Variants in ERICH3 observed in about 807,000 individuals in gnomAD.
ERICH3 encodes glutamate rich 3, also known as glutamate-rich protein 3.
Under a neutral mutation model 131.1 loss-of-function variants are expected in ERICH3, and 126 were observed. That is an observed-to-expected ratio of 0.96 (90% CI 0.83 to 1.11). The LOEUF (loss-of-function observed/expected upper bound fraction) is 1.11, where lower values mean the gene tolerates loss of function less well. Ranked by LOEUF, ERICH3 falls within the 50% of genes most tolerant of loss-of-function variation. The pLI, the probability that ERICH3 is intolerant of heterozygous loss-of-function variation, is 0.00. For synonymous variants in ERICH3, 695 were observed against 644.6 expected (o/e 1.08, Z -1.18); for missense variants, 2,050 against 1,810.7 (o/e 1.13, Z -2.40).
intron 1 of ERICH3, among the ~76,000 whole-genome samples, chr1:74,662,658 C>T (rs1046899722): frequency 6.6e-6 from 1 of 152,102 alleles, no homozygotes; most frequent in African/African-American, 2.4e-5. Flanking sequence ...AACTTAAAAA[C>T]AAAAGTTAAT....
rs1187808689 is a variant in ERICH3 at position 74,572,996 on chromosome 1, G to A, written c.2714C>T (p.Ala905Val). 1 of 1,614,080 alleles carries A rather than the reference G, an allele frequency of 6.2e-7. No individual in the cohort carries two copies. The highest frequency in any genetic ancestry group is 8.5e-7 in the Non-Finnish European group (1 of 1,180,012). ...CAAGTTCAGGGCTGCTGCTTCATTT[G>A]CAAGCACTGCCTTCTCTAAACCCTG... Reference protein sequence around the residue: ...GEQGLEKAVLANEAAALNLEH... With the variant: ...GEQGLEKAVLVNEAAALNLEH... The change falls in exon 14 of 15, where the codon GCA becomes GTA. Residue 905 changes from alanine (A) to valine (V), a missense_variant. Coordinates refer to ENST00000326665, the MANE Select transcript of ERICH3 (RefSeq NM_001002912.5).
intron 12 of ERICH3, among the ~76,000 whole-genome samples, chr1:74,584,518 C>T (rs540192919): frequency 1.4e-3 from 215 of 152,300 alleles, no homozygotes; most frequent in Non-Finnish European, 2.6e-3. Flanking sequence ...CCCCTGCTCC[C>T]TGTGGTCTTT....
At chr1:74,591,362 T>C (rs1647593576) in intron 11 of ERICH3, among the ~76,000 whole-genome samples, 1 of 152,190 alleles carries the variant, frequency 6.6e-6, no homozygotes, top group South Asian at 2.1e-4. Flanking sequence ...ACATGTAAGC[T>C]ATATTAGGAT....
Position 74,673,571 on chromosome 1 carries a change from G to A in ERICH3, c.-52C>T. On this transcript the variant is annotated 5_prime_UTR_variant, in exon 1 of 15. Transcript: ENST00000326665. ...CGGCAGGTGCGGAGGGTGGGTGCGTGGGGCCCCGTGCGCGCTGGCGCTGCG... is the reference window on the plus strand; with the variant it reads ...CGGCAGGTGCGGAGGGTGGGTGCGTAGGGCCCCGTGCGCGCTGGCGCTGCG... 6.3e-7 allele frequency: 1 copy of A among 1,594,672 alleles called. No homozygotes were observed. The highest frequency in any genetic ancestry group is 8.5e-7 in the Non-Finnish European group (1 of 1,170,348).
chr1:74,587,434 A>G (rs961152546), intron 12 of ERICH3, among the ~76,000 whole-genome samples: 3 of 152,016 alleles, frequency 2.0e-5, no homozygotes, highest in African/African-American at 7.2e-5. Flanking sequence ...TTTTAAAATT[A>G]TAGATGTTAT....
chr1:74,654,542 C>A (rs1421441067), intron 1 of ERICH3, among the ~76,000 whole-genome samples: 2 of 152,038 alleles, frequency 1.3e-5, no homozygotes, highest in African/African-American at 2.4e-5. Context: ...TTGAAGAAGA[C>A]CCTCTCCCTT....
chr1:74,580,599 A>C (rs776257372), intron 12 of ERICH3, among the ~76,000 whole-genome samples: 11 of 152,150 alleles, frequency 7.2e-5, no homozygotes, highest in Admixed American at 2.0e-4. Context: ...TTCTTTCTTT[A>C]TTTGATAATT....
At chr1:74,633,738 G>A (rs1359944447) in intron 6 of ERICH3, among the ~76,000 whole-genome samples, 1 of 151,916 alleles carries the variant, frequency 6.6e-6, no homozygotes, top group Non-Finnish European at 1.5e-5. Context: ...TCTTGAATCT[G>A]TTTCTTTACA....
rs568841723 is a variant in ERICH3, at chr1:74,583,451, C to T, written c.2176+6180G>A. On this transcript the variant is annotated intron_variant, in intron 12 of 14. Coordinates refer to ENST00000326665, the MANE Select transcript of ERICH3 (RefSeq NM_001002912.5). ...AATAGAAAATTATAACAATATACTA[C>T]AATAAAAGGTATGTTGATGTGGTCT... 2.6e-5 allele frequency among the ~76,000 whole-genome samples: 4 copies of T among 152,104 alleles called. No individual in the cohort carries two copies. In the East Asian group the frequency reaches 7.7e-4, roughly 29 times the overall value.
chr1:74,673,712 T>A lies in ERICH3; in HGVS notation c.-193A>T. 2.2e-6 allele frequency: 1 copy of A among 451,808 alleles called. No homozygotes were observed. Among genetic ancestry groups the A allele is most frequent in the Non-Finnish European group, 3.8e-6 (1 of 260,710 alleles). The allele number at this position is 451,808 out of a possible 1,614,324, so 28.0% of individuals were successfully genotyped here. On this transcript the variant is annotated 5_prime_UTR_variant, in exon 1 of 15. Coordinates refer to ENST00000326665, the MANE Select transcript of ERICH3 (RefSeq NM_001002912.5). ...CCCGCAGCCTCCCGGGCTCCCACCC[T>A]CCGTTGGTATCCACAGCTTCCCTGT...
At chr1:74,579,072 T>C (rs1185317058) in intron 12 of ERICH3, among the ~76,000 whole-genome samples, 1 of 152,208 alleles carries the variant, frequency 6.6e-6, no homozygotes, top group African/African-American at 2.4e-5. Flanking sequence ...AATGATGTAA[T>C]AGTTGGATTT....
chr1:74,614,522 A>T (rs913704322), intron 8 of ERICH3, among the ~76,000 whole-genome samples: 1 of 146,986 alleles, frequency 6.8e-6, no homozygotes, highest in Non-Finnish European at 1.5e-5. Context: ...TAAAAATACA[A>T]AAAAATTAGC....
intron 1 of ERICH3, among the ~76,000 whole-genome samples, chr1:74,666,612 G>A (rs566376761): frequency 1.3e-5 from 2 of 152,290 alleles, no homozygotes; most frequent in South Asian, 2.1e-4. Context: ...AATGAAGGAT[G>A]TGTTTCTTTA....
At chr1:74,582,483 T>C (rs1280838859) in intron 12 of ERICH3, among the ~76,000 whole-genome samples, 3 of 152,180 alleles carry the variant, frequency 2.0e-5, no homozygotes, top group Non-Finnish European at 4.4e-5. Context: ...AAAAATCAGG[T>C]ACCTGAATTC....
intron 1 of ERICH3, among the ~76,000 whole-genome samples, chr1:74,672,812 G>A (rs1646753954): frequency 6.6e-6 from 1 of 151,844 alleles, no homozygotes; most frequent in Non-Finnish European, 1.5e-5. Context: ...AATAATGACG[G>A]TGTTCTTTCT....
chr1:74,627,646 C>G (rs1172815243), intron 7 of ERICH3, among the ~76,000 whole-genome samples: 2 of 151,970 alleles, frequency 1.3e-5, no homozygotes, highest in African/African-American at 4.8e-5. Context: ...TATATATACA[C>G]ATATGCATAT....
chr1:74,571,731 G>A lies in ERICH3; in HGVS notation c.3979C>T (p.Gln1327Ter), dbSNP rs747137210. ...DGDMEGEGNT[Q>*]KNEGMGGGRV... The stretch of plus-strand genomic sequence containing the variant: ...CCTCCTCCCATGCCCTCATTCTTTT[G>A]TGTGTTTCCTTCTCCTTCCATGTCC... The change falls in exon 14 of 15, where the codon CAA becomes TAA. Residue 1327 changes from glutamine (Q) to a stop codon, truncating the protein, a stop_gained. Coordinates refer to ENST00000326665, the MANE Select transcript of ERICH3 (RefSeq NM_001002912.5). LOFTEE classifies it high-confidence loss of function. 5.0e-6 allele frequency: 8 copies of A among 1,614,024 alleles called. No homozygotes were observed. The Admixed American group carries it at 1.3e-4, about 27-fold the overall frequency.
At chr1:74,668,863 G>A (rs1646715565) in intron 1 of ERICH3, among the ~76,000 whole-genome samples, 1 of 152,116 alleles carries the variant, frequency 6.6e-6, no homozygotes, top group Non-Finnish European at 1.5e-5. Context: ...AATATTTAAT[G>A]ACTTAAAGTC....
chr1:74,644,200 T>C (rs1224061612), intron 3 of ERICH3, among the ~76,000 whole-genome samples: 3 of 151,916 alleles, frequency 2.0e-5, no homozygotes, highest in Non-Finnish European at 4.4e-5. Context: ...CTATCATCAA[T>C]CCTCTTCTTA....
Sources: gnomAD v4.1 joint callset for allele counts (sites outside exome capture counted in the v4.1 genomes callset) on GRCh38, gnomAD v4.1.1 for gene constraint, MANE v1.5 for transcripts, NCBI Gene and HGNC (gene_info 2026-07-23, HGNC 2026-07-21) for gene names.